The following RABGAP1 variants were observed in gnomAD, a reference collection of about 807,000 sequenced individuals.
The protein encoded by RABGAP1 is RAB GTPase activating protein 1.
Under a neutral mutation model 137.6 loss-of-function variants are expected in RABGAP1, and 23 were observed. The observed-to-expected ratio is 0.17, with a 90% CI of 0.12 to 0.24. The LOEUF (loss-of-function observed/expected upper bound fraction) is 0.24, where lower values mean the gene tolerates loss of function less well. Ranked by LOEUF, RABGAP1 falls within the 10% of genes least tolerant of loss-of-function variation. The probability of loss-of-function intolerance (pLI) is 1.00; values close to 1 mark genes in which losing one functional copy is unlikely to be tolerated. For missense variants in RABGAP1, 906 were observed against 1,275.8 expected (o/e 0.71, Z 4.42); for synonymous variants, 451 against 450.7 (o/e 1.00, Z -0.01).
At chr9:123,069,589 A>G (rs186788377) in intron 14 of RABGAP1, among the ~76,000 whole-genome samples, 329 of 136,324 alleles carry the variant, frequency 2.4e-3, no homozygotes, top group African/African-American at 7.5e-3. Flanking sequence ...AAAAAAAAAA[A>G]TGCAGTGTGG....
At chr9:123,038,335 T>C (rs1400060910) in intron 13 of RABGAP1, among the ~76,000 whole-genome samples, 1 of 152,210 alleles carries the variant, frequency 6.6e-6, no homozygotes, top group African/African-American at 2.4e-5. Flanking sequence ...ACTTGAATAA[T>C]GGTCTCAGTA....
chr9:122,933,657 T>TGAA, the RABGAP1 span, among the ~76,000 whole-genome samples: 2 of 151,940 alleles, frequency 1.3e-5, no homozygotes, highest in East Asian at 3.9e-4. Flanking sequence ...GACAGAGTCT[T>TGAA]GCTCTGTCGC....
At chr9:123,079,206 G>A (rs1444549477) in intron 19 of RABGAP1, among the ~76,000 whole-genome samples, 1 of 80,634 alleles carries the variant, frequency 1.2e-5, no homozygotes, top group African/African-American at 2.8e-5. Flanking sequence ...TTTTGTTGTT[G>A]TTGTTTGTTT....
rs910525857 is a variant in RABGAP1 at position 123,035,049 on chromosome 9, C to G, written c.1794+14590C>G. 5.6e-6 allele frequency: 9 copies of G among 1,614,002 alleles called. No individual in the cohort carries two copies. In the African/African-American group the frequency reaches 9.3e-5, roughly 17 times the overall value. ...TTTGGCTATACTCGACCCTGGTCTT[C>G]CTGCCTTCCTTTTTCCACTGGGGCA... is the stretch of plus-strand genomic sequence containing the variant. On this transcript the variant is annotated intron_variant, in intron 13 of 25. Coordinates refer to ENST00000373647, the MANE Select transcript of RABGAP1 (RefSeq NM_012197.4).
chr9:122,980,725 A>G (rs1447576362), intron 2 of RABGAP1, among the ~76,000 whole-genome samples: 2 of 152,250 alleles, frequency 1.3e-5, no homozygotes. Context: ...TCGTTTTATC[A>G]TGATGAACCA....
intron 6 of RABGAP1, among the ~76,000 whole-genome samples, chr9:122,994,069 T>G (rs1374106129): frequency 6.6e-6 from 1 of 152,250 alleles, no homozygotes; most frequent in African/African-American, 2.4e-5. Context: ...TATACTGTGC[T>G]TATTTATAGG....
intron 13 of RABGAP1, among the ~76,000 whole-genome samples, chr9:123,023,872 T>C (rs1299588677): frequency 1.3e-5 from 2 of 152,116 alleles, no homozygotes; most frequent in Admixed American, 6.5e-5. Flanking sequence ...ACATATAATA[T>C]TACTTTGAGA....
chr9:122,978,904 CTTTATTTTATTTTAT>C (rs1480942504), intron 2 of RABGAP1, among the ~76,000 whole-genome samples: 1 of 38,556 alleles, frequency 2.6e-5, no homozygotes, highest in African/African-American at 6.0e-5. Flanking sequence ...TTTTATTTTA[CTTTATTTTATTTTAT>C]TTTAAACAGG....
intron 10 of RABGAP1, among the ~76,000 whole-genome samples, chr9:123,005,950 A>T (rs1588256098): frequency 6.6e-6 from 1 of 152,152 alleles, no homozygotes; most frequent in Non-Finnish European, 1.5e-5. Context: ...GGTGTCTAAG[A>T]ATAGTTTTAG....
chr9:123,089,478 C>A, intron 19 of RABGAP1: 4 of 313,290 alleles, frequency 1.3e-5, no homozygotes, highest in South Asian at 9.0e-5. Flanking sequence ...AAATAGGACC[C>A]AGAACTTGTA....
In RABGAP1 at chr9:123,015,648, T is replaced by C. The variant is rs673977; in HGVS notation, c.1643+12T>C. On this transcript the variant is annotated intron_variant, in intron 12 of 25. Transcript: ENST00000373647. ...CTGTTGTCAAAATGGTAAGTTATGATAGAATAGTTTTTTTTATCTGCAATT... is the reference window on the plus strand; with the variant it reads ...CTGTTGTCAAAATGGTAAGTTATGACAGAATAGTTTTTTTTATCTGCAATT... 0.12 allele frequency: 194,448 copies of C among 1,573,600 alleles called. 13,811 individuals are homozygous for C. Among genetic ancestry groups the C allele is most frequent in the Non-Finnish European group, 0.15 (167,879 of 1,147,594 alleles).
At chr9:123,057,730 G>A (rs1487835209) in intron 13 of RABGAP1, among the ~76,000 whole-genome samples, 4 of 152,274 alleles carry the variant, frequency 2.6e-5, no homozygotes, top group South Asian at 2.1e-4. Flanking sequence ...GTAGCGAGCC[G>A]AGATCACGCC....
At chr9:123,100,845 A>G (rs1466437409) in intron 24 of RABGAP1, among the ~76,000 whole-genome samples, 5 of 152,202 alleles carry the variant, frequency 3.3e-5, no homozygotes, top group African/African-American at 1.2e-4. Context: ...CACATATAAC[A>G]TCTTTATTAA....
chr9:123,010,504 C>T lies in RABGAP1; in HGVS notation c.1525C>T (p.Pro509Ser). The change falls in exon 11 of 26, where the codon CCT (proline) becomes TCT (serine). Residue 509 changes from proline (P) to serine (S), a missense_variant. Physicochemically the swap from Pro to Ser is moderately conservative, Grantham distance 74 (BLOSUM62 -1). Transcript: ENST00000373647. The stretch of plus-strand genomic sequence containing the variant: ...ATCGCAAAGTTCAGTGATACCTTCT[C>T]CTCCAGAAGATGATGAAGAGGAAGG... The part of the protein sequence containing the change: ...SGSQSSVIPS[P>S]PEDDEEEDND... The T allele has an allele frequency of 6.2e-7, 1 of 1,612,796 alleles. No individual in the cohort carries two copies. Among genetic ancestry groups the T allele is most frequent in the Non-Finnish European group, 8.5e-7 (1 of 1,179,712 alleles).
At chr9:123,090,964 C>A (rs2035016018) in intron 21 of RABGAP1, among the ~76,000 whole-genome samples, 1 of 152,170 alleles carries the variant, frequency 6.6e-6, no homozygotes, top group Admixed American at 6.5e-5. Flanking sequence ...ATCTCTCGAT[C>A]ATGGTTTAGG....
chr9:123,034,210 C>G (rs2032476035), intron 13 of RABGAP1: 1 of 275,890 alleles, frequency 3.6e-6, no homozygotes, highest in Admixed American at 4.9e-5. Flanking sequence ...GCTGAAGCTC[C>G]TAATCTTCTT....
intron 1 of RABGAP1, among the ~76,000 whole-genome samples, chr9:122,948,524 G>A (rs969598699): frequency 1.3e-5 from 2 of 152,154 alleles, no homozygotes; most frequent in Non-Finnish European, 2.9e-5. Flanking sequence ...AAACTTGTTC[G>A]TACCATGTTG....
intron 1 of RABGAP1, among the ~76,000 whole-genome samples, chr9:122,942,695 A>AAAACAC (rs1833668456): frequency 2.0e-5 from 3 of 149,550 alleles, no homozygotes; most frequent in African/African-American, 7.3e-5. Flanking sequence ...AAAACACAAA[A>AAAACAC]AAACAAAATA....
chr9:122,946,389 T>G (rs1833949757), intron 1 of RABGAP1, among the ~76,000 whole-genome samples: 1 of 152,162 alleles, frequency 6.6e-6, no homozygotes. Flanking sequence ...TTCATTTTCT[T>G]TATTGTAGAT....
Sources: gnomAD v4.1 joint callset for allele counts (sites outside exome capture counted in the v4.1 genomes callset) on GRCh38, gnomAD v4.1.1 for gene constraint, MANE v1.5 for transcripts, NCBI Gene and HGNC (gene_info 2026-07-23, HGNC 2026-07-21) for gene names.